TGIF1: variants seen among roughly 807,000 people sequenced by gnomAD.
TGIF1 encodes homeobox protein TGIF1.
In TGIF1, 4 loss-of-function variants were observed where a neutral mutation model predicts 19.3. The ratio of observed to expected loss-of-function variants is 0.21; its 90% CI spans 0.10 to 0.47. TGIF1 has a LOEUF of 0.47. Ranked by LOEUF, TGIF1 falls within the 20% of genes least tolerant of loss-of-function variation. The pLI, the probability that TGIF1 is intolerant of heterozygous loss-of-function variation, is 0.98. For missense variants in TGIF1, 275 were observed against 341.4 expected, an observed-to-expected ratio of 0.81 and a Z score of 1.53; for synonymous variants, 122 against 129.3, an observed-to-expected ratio of 0.94 and a Z score of 0.38.
chr18:3,447,770 G>A (rs200799073), upstream of TGIF1: 18 of 1,614,018 alleles, frequency 1.1e-5, no homozygotes, highest in African/African-American at 8.0e-5. Flanking sequence ...TTGTGCATTG[G>A]CCCGATCAAG....
chr18:3,431,824 G>A (rs1168615293), intron 2 of TGIF1, among the ~76,000 whole-genome samples: 3 of 152,030 alleles, frequency 2.0e-5, no homozygotes, highest in Admixed American at 6.6e-5. Flanking sequence ...TTAAAATCAC[G>A]TGCCACCTAA....
At chr18:3,449,379 G>A, upstream of TGIF1, 5 of 985,444 alleles carry the variant, frequency 5.1e-6, no homozygotes, top group Non-Finnish European at 6.0e-6. Context: ...AGGCAGGCGC[G>A]CGCCCGGCCG....
At chr18:3,422,981 G>A (rs902076163) in intron 2 of TGIF1, among the ~76,000 whole-genome samples, 1 of 152,020 alleles carries the variant, frequency 6.6e-6, no homozygotes, top group Non-Finnish European at 1.5e-5. Context: ...GAGCCACCGC[G>A]CCCAGGCTTT....
In TGIF1 at chr18:3,459,362, GAAA is replaced by G. The variant is rs1197180200; in HGVS notation, c.*1427_*1429del. 6.6e-6 allele frequency: 1 copy of G among 152,086 alleles called. No homozygotes were observed. The highest frequency in any genetic ancestry group is 2.1e-4 in the South Asian group (1 of 4,826). The allele number at this position is 152,086 out of a possible 1,614,324, so 9.4% of individuals were successfully genotyped here. A position where few individuals can be genotyped will look rare whatever the true frequency, so the allele number is the denominator to read the frequency against. ...TCAAAGACTTTCCTTGTAAGTGAAA[GAAA>G]AAAACTGCTGATGATTACCAAGAGG... On this transcript the variant is annotated 3_prime_UTR_variant, in exon 3 of 3. Coordinates refer to ENST00000343820, the MANE Select transcript of TGIF1 (RefSeq NM_003244.4).
At chr18:3,455,842 G>T (rs997952696) in intron 1 of TGIF1, 5 of 178,612 alleles carry the variant, frequency 2.8e-5, no homozygotes, top group African/African-American at 1.2e-4. Flanking sequence ...TTATATCCAT[G>T]AAAAAAAATG....
rs993265701 is a variant in TGIF1, at chr18:3,450,436, C to T, written c.-54C>T. The T allele has an allele frequency of 8.4e-6, 13 of 1,552,110 alleles. No individual in the cohort carries two copies. Among genetic ancestry groups the T allele is most frequent in the Non-Finnish European group, 1.1e-5 (13 of 1,147,424 alleles). On this transcript the variant is annotated 5_prime_UTR_variant, in exon 1 of 3. Coordinates refer to ENST00000343820, the MANE Select transcript of TGIF1 (RefSeq NM_003244.4). ...CGTTCGCTTATCCCCTGTGTCCCCGCTCCTGGCCCCTCCAGACCCCCGCCT... is the reference window on the plus strand; with the variant it reads ...CGTTCGCTTATCCCCTGTGTCCCCGTTCCTGGCCCCTCCAGACCCCCGCCT...
rs199561203 is a variant in TGIF1 at position 3,432,144 on chromosome 18, A to AAAAAAAAG, written c.-45+13929_-45+13930insAAAAAAAG. Among the ~76,000 whole-genome samples, 2 of 138,462 alleles carry AAAAAAAAG rather than the reference A, an allele frequency of 1.4e-5. 1 individual carries two copies. 90.8% of individuals were successfully genotyped at this position (138,462 alleles called of 152,430 possible). On this transcript the variant is annotated intron_variant, in intron 2 of 3. Coordinates refer to the TGIF1 transcript ENST00000401449. ...CTGTCAAAAAAAAAAAAAAAAAAAA[A>AAAAAAAAG]CACTAAGAAAGCTAAGGAAGGCGAA...
At chr18:3,452,785 T>A (rs1043055041) in intron 1 of TGIF1, among the ~76,000 whole-genome samples, 2 of 152,222 alleles carry the variant, frequency 1.3e-5, no homozygotes, top group Admixed American at 6.5e-5. Flanking sequence ...TCTTGTCTTA[T>A]AAAAGTCTGC....
rs371274241 is a variant in TGIF1 at position 3,459,359 on chromosome 18, A to T, written c.*1419A>T. The T allele has an allele frequency of 4.6e-5, 7 of 152,192 alleles. No homozygotes were observed. Among genetic ancestry groups the T allele is most frequent in the African/African-American group, 1.7e-4 (7 of 41,436 alleles). The allele number at this position is 152,192 out of a possible 1,614,324, so 9.4% of individuals were successfully genotyped here. Reference sequence around the variant, plus strand: ...AACTCAAAGACTTTCCTTGTAAGTGAAAGAAAAAAACTGCTGATGATTACC... The same window carrying T: ...AACTCAAAGACTTTCCTTGTAAGTGTAAGAAAAAAACTGCTGATGATTACC... On this transcript the variant is annotated 3_prime_UTR_variant, in exon 3 of 3. Coordinates refer to ENST00000343820, the MANE Select transcript of TGIF1 (RefSeq NM_003244.4).
chr18:3,444,755 AC>A (rs781337385), intron 2 of TGIF1, among the ~76,000 whole-genome samples: 3 of 152,342 alleles, frequency 2.0e-5, no homozygotes, highest in Non-Finnish European at 1.5e-5. Flanking sequence ...AAATAAAAAA[AC>A]AAAACAAATT....
chr18:3,451,305 A>G lies in TGIF1; in HGVS notation c.16+800A>G. ...AAGTGTTCTGGAAGCTTTACAACTA[A>G]AACTTGCCGTCAGTTTGGTTTAAAA... On this transcript the variant is annotated intron_variant, in intron 1 of 2. Transcript: ENST00000343820. This position sits in a 1 kb window ranked among gnomAD's most constrained non-coding sequence, Gnocchi z 5.4. 2 of 959,278 alleles carry G rather than the reference A, an allele frequency of 2.1e-6. No individual in the cohort carries two copies. Among genetic ancestry groups the G allele is most frequent in the Non-Finnish European group, 2.5e-6 (2 of 806,370 alleles). The allele number at this position is 959,278 out of a possible 1,614,324, so 59.4% of individuals were successfully genotyped here. A position where few individuals can be genotyped will look rare whatever the true frequency, so the allele number is the denominator to read the frequency against.
At chr18:3,452,124 T>G (rs773947728) in intron 1 of TGIF1, 4 of 1,613,032 alleles carry the variant, frequency 2.5e-6, no homozygotes, top group Non-Finnish European at 1.7e-6. Context: ...TTTTCTGGCG[T>G]CCCCCCGACT....
rs536491126 is a variant in TGIF1 at position 3,441,273 on chromosome 18, ATTCT to A, written c.-44-15076_-44-15073del. Among the ~76,000 whole-genome samples, 793 of 152,330 alleles carry A rather than the reference ATTCT, an allele frequency of 5.2e-3. 6 individuals carry two copies. The highest frequency in any genetic ancestry group is 0.018 in the African/African-American group (740 of 41,586). On this transcript the variant is annotated intron_variant, in intron 2 of 3. Transcript: ENST00000401449. Reference sequence around the variant, plus strand: ...TTATACAATTTTTCCTTAAACATAAATTCTTTCTAAGAAACAAAGTACTTATAAA... The same window carrying A: ...TTATACAATTTTTCCTTAAACATAAATTCTAAGAAACAAAGTACTTATAAA...
chr18:3,453,113 T>C (rs2083037279), intron 1 of TGIF1, among the ~76,000 whole-genome samples: 1 of 152,088 alleles, frequency 6.6e-6, no homozygotes, highest in Non-Finnish European at 1.5e-5. Context: ...TTTTTTTCTT[T>C]TGTTCCTGGA....
chr18:3,457,987 G>A lies in TGIF1; in HGVS notation c.*47G>A. ...TCTCAGAAATGTCATGATTGCCGGGGTGAAGGCAAGAGATGAATTGCATTA... is the reference window on the plus strand; with the variant it reads ...TCTCAGAAATGTCATGATTGCCGGGATGAAGGCAAGAGATGAATTGCATTA... On this transcript the variant is annotated 3_prime_UTR_variant, in exon 3 of 3. Transcript: ENST00000343820. The surrounding 1 kb of genome is among the most constrained non-coding windows in gnomAD (Gnocchi z 4.9). 6.5e-7 allele frequency: 1 copy of A among 1,538,036 alleles called. No homozygotes were observed. Among genetic ancestry groups the A allele is most frequent in the Non-Finnish European group, 8.9e-7 (1 of 1,124,150 alleles).
intron 2 of TGIF1, among the ~76,000 whole-genome samples, chr18:3,435,759 T>C (rs1230553751): frequency 6.6e-6 from 1 of 152,160 alleles, no homozygotes; most frequent in Non-Finnish European, 1.5e-5. Flanking sequence ...TTTCAAAACT[T>C]TGCATATGCA....
intron 1 of TGIF1, among the ~76,000 whole-genome samples, chr18:3,414,539 A>G (rs1568024869): frequency 2.0e-5 from 3 of 152,082 alleles, no homozygotes; most frequent in Non-Finnish European, 4.4e-5. Context: ...CTAATCTTGT[A>G]CTTTCTTATG....
chr18:3,445,752 A>AAAAAAAAAAAAAAG (rs1568041600), upstream of TGIF1, among the ~76,000 whole-genome samples: 1 of 115,002 alleles, frequency 8.7e-6, no homozygotes, highest in African/African-American at 4.2e-5. Flanking sequence ...AAAAAAAAAA[A>AAAAAAAAAAAAAAG]AGAGAAGAAA....
chr18:3,423,473 A>G (rs1358640516), intron 2 of TGIF1, among the ~76,000 whole-genome samples: 2 of 152,058 alleles, frequency 1.3e-5, no homozygotes, highest in Non-Finnish European at 2.9e-5. Context: ...AGGTCAGGAC[A>G]TCGAGACCTT....
Sources: allele counts gnomAD v4.1 joint callset (sites outside exome capture counted in the v4.1 genomes callset), GRCh38; gene constraint gnomAD v4.1.1; non-coding constraint Gnocchi (gnomAD v3.1); transcripts MANE v1.5; gene names NCBI Gene and HGNC (gene_info 2026-07-23, HGNC 2026-07-21).